EFCAB8: variants seen among roughly 807,000 people sequenced by gnomAD.
The protein encoded by EFCAB8 is EF-hand calcium binding domain 8, also known as EF-hand calcium-binding domain-containing protein 8.
EFCAB8 carries 100 observed loss-of-function variants against 116.3 expected under a neutral mutation model. The observed-to-expected ratio is 0.86, with a 90% CI of 0.73 to 1.02. The LOEUF is 1.02. Ranked by LOEUF, EFCAB8 falls within the 50% of genes least tolerant of loss-of-function variation. The probability of loss-of-function intolerance (pLI) is 0.00; values close to 1 mark genes in which losing one functional copy is unlikely to be tolerated. For synonymous variants in EFCAB8, 558 were observed against 567.9 expected (o/e 0.98, Z 0.25); for missense variants, 1,320 against 1,416.9 (o/e 0.93, Z 1.10).
chr20:32,914,152 G>A (rs958758423), intron 17 of EFCAB8, among the ~76,000 whole-genome samples: 2 of 152,274 alleles, frequency 1.3e-5, no homozygotes, highest in South Asian at 2.1e-4. Flanking sequence ...GCTCTGCTGA[G>A]TGCAGTCCAT....
At position 32,939,497 on chromosome 20, in the gene EFCAB8, C is replaced by T. The variant is rs62207481; in HGVS notation, c.2791-4139C>T. Among the ~76,000 whole-genome samples the T allele has an allele frequency of 1.5e-3, 217 of 146,726 alleles. 13 individuals carry two copies. The highest frequency in any genetic ancestry group is 0.01 in the Middle Eastern group (3 of 286). ...ACGGGGTTTCACTGTATTGGTCACG[C>T]TGGTCTCAAACTCCTGACTTTGTGG... On this transcript the variant is annotated intron_variant, in intron 22 of 26. Transcript: ENST00000400522.
Position 32,906,594 on chromosome 20 carries a change from T to G in EFCAB8, c.1121T>G (p.Leu374Arg). 1.4e-6 allele frequency: 1 copy of G among 718,458 alleles called. No homozygotes were observed. Among genetic ancestry groups the G allele is most frequent in the Non-Finnish European group, 2.6e-6 (1 of 385,042 alleles). 44.5% of individuals were successfully genotyped at this position (718,458 alleles called of 1,614,324 possible). ...GTGCTGCGTTTAAGGAAAGGGATTC[T>G]TTGCTTTGATTACTGCCCAGACAGG... The part of the protein sequence containing the change: ...LSVLRLRKGI[L>R]CFDYCPDRNF... The change falls in exon 12 of 27, where the codon CTT becomes CGT. Residue 374 changes from leucine to arginine, a missense_variant. Transcript: ENST00000400522.
chr20:32,872,585 A>C (rs1023459612), intron 3 of EFCAB8, among the ~76,000 whole-genome samples: 1 of 152,000 alleles, frequency 6.6e-6, no homozygotes, highest in African/African-American at 2.4e-5. Context: ...CAAGAGGTCA[A>C]GGGTTCGAGA....
At chr20:32,877,865 G>A (rs1461763592) in intron 4 of EFCAB8, among the ~76,000 whole-genome samples, 9 of 152,178 alleles carry the variant, frequency 5.9e-5, no homozygotes, top group Non-Finnish European at 1.0e-4. Flanking sequence ...AGCTCCCAGG[G>A]TGATGCCAGT....
intron 2 of EFCAB8, among the ~76,000 whole-genome samples, chr20:32,865,804 A>T (rs1984369654): frequency 6.6e-6 from 1 of 151,780 alleles, no homozygotes; most frequent in African/African-American, 2.4e-5. Flanking sequence ...CAAAAAAAAA[A>T]AAAAAAATTT....
At chr20:32,956,681 C>CT (rs1200148931) in intron 23 of EFCAB8, among the ~76,000 whole-genome samples, 5 of 152,010 alleles carry the variant, frequency 3.3e-5, no homozygotes, top group Non-Finnish European at 7.4e-5. Context: ...GGTAATTTGT[C>CT]TTTTTTTCCC....
At position 32,919,413 on chromosome 20, in the gene EFCAB8, T is replaced by C. The variant is rs902738822; in HGVS notation, c.2275-665T>C. Among the ~76,000 whole-genome samples, 5 of 152,210 alleles carry C rather than the reference T, an allele frequency of 3.3e-5. 1 individual carries two copies. The highest frequency in any genetic ancestry group is 5.9e-5 in the Non-Finnish European group (4 of 68,030). On this transcript the variant is annotated intron_variant, in intron 19 of 26. Transcript: ENST00000400522. ...ACTTGACCATAAGACATTCATACCA[T>C]CTTTGAGTTATCAGAGGTTACACCA...
At chr20:32,870,354 C>T (rs1164018117) in intron 3 of EFCAB8, among the ~76,000 whole-genome samples, 1 of 152,130 alleles carries the variant, frequency 6.6e-6, no homozygotes, top group African/African-American at 2.4e-5. Context: ...CCACACAGTT[C>T]AATATATCCA....
intron 20 of EFCAB8, among the ~76,000 whole-genome samples, chr20:32,929,143 T>G (rs76559742): frequency 0.033 from 5,026 of 152,132 alleles, 298 homozygotes; most frequent in African/African-American, 0.11. Flanking sequence ...GTAGTCTTTT[T>G]TTTTTTCTTA....
intron 14 of EFCAB8, among the ~76,000 whole-genome samples, chr20:32,909,005 C>T (rs982460461): frequency 6.6e-5 from 10 of 152,086 alleles, no homozygotes; most frequent in Non-Finnish European, 1.3e-4. Context: ...GGTAAGGGGG[C>T]CCACAAGAAG....
chr20:32,906,918 G>A lies in EFCAB8; in HGVS notation c.1232G>A (p.Gly411Glu), dbSNP rs1986705914. 1 of 1,550,842 alleles carries A rather than the reference G, an allele frequency of 6.4e-7. No homozygotes were observed. The highest frequency in any genetic ancestry group is 2.0e-5 in the Admixed American group (1 of 50,908). Residue 411 changes from glycine (G) to glutamate (E), a missense_variant, in exon 13 of 27, where the codon GGA becomes GAA. Gly to Glu is a moderately conservative substitution (Grantham distance 98). Transcript: ENST00000400522. ...VSKRPVWLMK[G>E]HQTSVTHILV... ...AAGAGGCCCGTGTGGCTGATGAAGGGACACCAGACCTCAGTGACGCACATC... is the reference window on the plus strand; with the variant it reads ...AAGAGGCCCGTGTGGCTGATGAAGGAACACCAGACCTCAGTGACGCACATC...
In EFCAB8 at chr20:32,945,594, T is replaced by C. The variant is rs73615619; in HGVS notation, c.2959+1790T>C. On this transcript the variant is annotated intron_variant, in intron 23 of 26. Coordinates refer to ENST00000400522, the MANE Select transcript of EFCAB8 (RefSeq NM_001143967.2). ...GTCAAATAATTAATATACCTCAATT[T>C]CTTTAGCGGCAGTTTCTGGAGATTT... 5.9e-3 allele frequency among the ~76,000 whole-genome samples: 899 copies of C among 152,350 alleles called. 10 individuals are homozygous for C. Among genetic ancestry groups the C allele is most frequent in the East Asian group, 0.026 (134 of 5,188 alleles).
intron 22 of EFCAB8, among the ~76,000 whole-genome samples, chr20:32,937,489 A>G (rs1399292157): frequency 1.3e-5 from 2 of 152,262 alleles, no homozygotes; most frequent in African/African-American, 4.8e-5. Context: ...TTAATAAGAA[A>G]TAGAAAATCT....
At position 32,931,164 on chromosome 20, in the gene EFCAB8, C is replaced by T; in HGVS notation, c.2632-14C>T. 6.5e-7 allele frequency: 1 copy of T among 1,527,208 alleles called. No homozygotes were observed. Among genetic ancestry groups the T allele is most frequent in the Non-Finnish European group, 8.8e-7 (1 of 1,134,874 alleles). 94.6% of individuals were successfully genotyped at this position (1,527,208 alleles called of 1,614,324 possible). A position where few individuals can be genotyped will look rare whatever the true frequency, so the allele number is the denominator to read the frequency against. ...CAAGGGGTGTGAGGCCACTAACCCA[C>T]ACTTTATGTCTAGATCTGGGACATC... On this transcript the variant is annotated splice_polypyrimidine_tract_variant and intron_variant, in intron 21 of 26. Coordinates refer to ENST00000400522, the MANE Select transcript of EFCAB8 (RefSeq NM_001143967.2).
chr20:32,874,532 A>T (rs1984849346), intron 3 of EFCAB8, among the ~76,000 whole-genome samples: 1 of 149,838 alleles, frequency 6.7e-6, no homozygotes, highest in Admixed American at 6.6e-5. Context: ...CCTTGCTTCT[A>T]CTTTTATTTT....
chr20:32,903,998 G>A (rs992643696), intron 11 of EFCAB8, among the ~76,000 whole-genome samples: 1 of 152,190 alleles, frequency 6.6e-6, no homozygotes, highest in East Asian at 1.9e-4. Context: ...TACTACAGAT[G>A]CCTTTGAATG....
intron 5 of EFCAB8, 75 bp from the exon 6 acceptor site, chr20:32,885,430 C>G (rs1249856892): frequency 2.0e-6 from 3 of 1,532,210 alleles, no homozygotes; most frequent in Non-Finnish European, 2.6e-6. Flanking sequence ...CTCGGTGGCT[C>G]TCTGTTCTGC....
chr20:32,864,321 C>T (rs1984277615), intron 2 of EFCAB8, among the ~76,000 whole-genome samples: 1 of 151,722 alleles, frequency 6.6e-6, no homozygotes, highest in African/African-American at 2.4e-5. Context: ...TGGTGGCTCA[C>T]ACCTGTAGTC....
intron 4 of EFCAB8, 93 bp downstream of exon 4, chr20:32,876,137 C>T: frequency 9.0e-7 from 1 of 1,111,336 alleles, no homozygotes; most frequent in South Asian, 1.4e-5. Flanking sequence ...GGGAGGCCAT[C>T]ACGATGTGGG....
Sources: allele counts gnomAD v4.1 joint callset (sites outside exome capture counted in the v4.1 genomes callset), GRCh38; gene constraint gnomAD v4.1.1; transcripts MANE v1.5; gene names NCBI Gene and HGNC (gene_info 2026-07-23, HGNC 2026-07-21).